The following TENM4 variants were observed in gnomAD, a reference collection of about 807,000 sequenced individuals.
TENM4 encodes teneurin-4.
In TENM4, 82 loss-of-function variants were observed where a neutral mutation model predicts 243.3. That is an observed-to-expected ratio of 0.34 (90% CI 0.28 to 0.40). TENM4 has a LOEUF of 0.40. TENM4 is among the 10% of genes least tolerant of loss of function. The pLI, the probability that TENM4 is intolerant of heterozygous loss-of-function variation, is 1.00. For synonymous variants in TENM4, 1,412 were observed against 1,456.3 expected (o/e 0.97, Z 0.69); for missense variants, 3,138 against 3,673.3 (o/e 0.85, Z 3.77).
At chr11:78,943,509 C>T (rs1158665783) in intron 6 of TENM4, among the ~76,000 whole-genome samples, 6 of 152,216 alleles carry the variant, frequency 3.9e-5, no homozygotes, top group African/African-American at 1.4e-4. Flanking sequence ...ATATTACTTT[C>T]TCTGCTTCAC....
At chr11:78,923,693 C>CTTT (rs1172776088) in intron 6 of TENM4, among the ~76,000 whole-genome samples, 1,500 of 53,638 alleles carry the variant, frequency 0.028, 223 homozygotes, top group African/African-American at 0.092. Flanking sequence ...ATGCACCTGG[C>CTTT]TTTTTTTTTT....
At chr11:79,418,325 C>T (rs900238551) in intron 1 of TENM4, among the ~76,000 whole-genome samples, 5 of 152,136 alleles carry the variant, frequency 3.3e-5, no homozygotes, top group Non-Finnish European at 7.3e-5. Context: ...TATCAACTTG[C>T]TTCTTTAGGG....
intron 19 of TENM4, among the ~76,000 whole-genome samples, chr11:78,742,142 A>T (rs1421142464): frequency 6.6e-6 from 1 of 152,140 alleles, no homozygotes; most frequent in Non-Finnish European, 1.5e-5. Context: ...TGCATTATAT[A>T]GCCATCTCAC....
intron 2 of TENM4, among the ~76,000 whole-genome samples, chr11:79,243,692 C>A (rs1449387386): frequency 6.6e-6 from 1 of 152,150 alleles, no homozygotes; most frequent in South Asian, 2.1e-4. Context: ...GAGAGCCTCC[C>A]GTGGAGCCGG....
intron 1 of TENM4, among the ~76,000 whole-genome samples, chr11:79,406,936 C>T (rs1858587511): frequency 6.6e-6 from 1 of 152,098 alleles, no homozygotes; most frequent in South Asian, 2.1e-4. Flanking sequence ...AAAATTTGAT[C>T]ATCAAGTAAT....
At chr11:78,959,987 G>C (rs1857283624) in intron 6 of TENM4, among the ~76,000 whole-genome samples, 1 of 151,638 alleles carries the variant, frequency 6.6e-6, no homozygotes, top group Non-Finnish European at 1.5e-5. Flanking sequence ...GCTTAAGAAG[G>C]CTACTGGCAG....
At chr11:78,871,192 AC>A (rs1346547140) in intron 9 of TENM4, among the ~76,000 whole-genome samples, 3 of 152,200 alleles carry the variant, frequency 2.0e-5, no homozygotes, top group African/African-American at 7.2e-5. Context: ...CAGTTACATG[AC>A]AACTTTACTC....
In TENM4 at chr11:78,903,291, G is replaced by T; in HGVS notation, c.726C>A (p.Asn242Lys). The change falls in exon 7 of 34, where the codon AAC becomes AAA. Residue 242 changes from asparagine to lysine, a missense_variant. Transcript: ENST00000278550. ...PAHAQENWLL[N>K]SNIPLETRNL... ...ACCTGGTCTCCAGGGGGATGTTGCT[G>T]TTGAGCAGCCAGTTCTCCTGGGCGT... is the stretch of plus-strand genomic sequence containing the variant. 1 of 1,489,626 alleles carries T rather than the reference G, an allele frequency of 6.7e-7. No individual in the cohort carries two copies. Among genetic ancestry groups the T allele is most frequent in the East Asian group, 2.7e-5 (1 of 37,688 alleles). 92.3% of individuals were successfully genotyped at this position (1,489,626 alleles called of 1,614,324 possible). A position where few individuals can be genotyped will look rare whatever the true frequency, so the allele number is the denominator to read the frequency against.
At chr11:79,113,573 C>T (rs1861555268) in intron 4 of TENM4, among the ~76,000 whole-genome samples, 1 of 151,944 alleles carries the variant, frequency 6.6e-6, no homozygotes, top group Non-Finnish European at 1.5e-5. Flanking sequence ...ATTAAGCTTG[C>T]AAGCGGAAAC....
At chr11:79,293,908 G>A (rs970132558) in intron 2 of TENM4, among the ~76,000 whole-genome samples, 6 of 152,174 alleles carry the variant, frequency 3.9e-5, no homozygotes, top group Non-Finnish European at 7.3e-5. Context: ...GTAGATAATG[G>A]GCATGGACCT....
At chr11:78,699,653 A>G (rs1022237116) in intron 28 of TENM4, among the ~76,000 whole-genome samples, 19 of 152,230 alleles carry the variant, frequency 1.2e-4, no homozygotes, top group African/African-American at 4.3e-4. Flanking sequence ...TAAAAAAGCA[A>G]TTGTAAAAAC....
At chr11:78,808,472 T>G (rs144608139) in intron 14 of TENM4, among the ~76,000 whole-genome samples, 18 of 152,342 alleles carry the variant, frequency 1.2e-4, no homozygotes, top group African/African-American at 4.3e-4. Flanking sequence ...ACTTTTATCA[T>G]GTTCATTTGA....
At chr11:79,318,291 AGCAAACTCACTGAAAATTC>A (rs535144210) in intron 1 of TENM4, among the ~76,000 whole-genome samples, 124 of 152,324 alleles carry the variant, frequency 8.1e-4, no homozygotes, top group African/African-American at 2.8e-3. Context: ...CCAGTGAGAA[AGCAAACTCACTGAAAATTC>A]TAACTAGAAT....
At chr11:78,876,004 GAGA>G (rs949305382) in intron 9 of TENM4, among the ~76,000 whole-genome samples, 1 of 152,170 alleles carries the variant, frequency 6.6e-6, no homozygotes, top group African/African-American at 2.4e-5. Flanking sequence ...ACAGGGACAT[GAGA>G]GGAGGGCTTT....
At chr11:78,995,189 T>G (rs1858142050) in intron 6 of TENM4, among the ~76,000 whole-genome samples, 1 of 152,100 alleles carries the variant, frequency 6.6e-6, no homozygotes. Context: ...AGCAACAAGA[T>G]AATCAAAAGC....
chr11:78,935,360 G>C (rs1856762583), intron 6 of TENM4, among the ~76,000 whole-genome samples: 2 of 152,162 alleles, frequency 1.3e-5, no homozygotes, highest in African/African-American at 4.8e-5. Flanking sequence ...AAAAAGGAAG[G>C]GGAAGAAGGG....
chr11:79,181,625 A>G (rs893442191), intron 3 of TENM4, among the ~76,000 whole-genome samples: 6 of 150,994 alleles, frequency 4.0e-5, no homozygotes, highest in African/African-American at 1.5e-4. Context: ...AATAAAAGGT[A>G]TATAGATTGG....
At chr11:79,066,177 A>G (rs964794098) in intron 5 of TENM4, among the ~76,000 whole-genome samples, 1 of 152,190 alleles carries the variant, frequency 6.6e-6, no homozygotes, top group African/African-American at 2.4e-5. Flanking sequence ...CAAGTTCAAA[A>G]TGGGGAGATC....
chr11:78,998,183 C>G (rs1350499129), intron 6 of TENM4, among the ~76,000 whole-genome samples: 1 of 152,192 alleles, frequency 6.6e-6, no homozygotes, highest in Non-Finnish European at 1.5e-5. Flanking sequence ...TCAATGGAAC[C>G]ACACCCAGGC....
Sources: gnomAD v4.1 joint callset for allele counts (sites outside exome capture counted in the v4.1 genomes callset) on GRCh38, gnomAD v4.1.1 for gene constraint, MANE v1.5 for transcripts, NCBI Gene and HGNC (gene_info 2026-07-23, HGNC 2026-07-21) for gene names.